Variants in BABAM2 observed in about 807,000 individuals in gnomAD.
BABAM2 encodes the protein BRISC and BRCA1 A complex member 2.
BABAM2 carries 31 observed loss-of-function variants against 54.7 expected under a neutral mutation model. The observed-to-expected ratio is 0.57, with a 90% CI of 0.43 to 0.77. The LOEUF (loss-of-function observed/expected upper bound fraction) is 0.77, where lower values mean the gene tolerates loss of function less well. BABAM2 is among the 30% of genes least tolerant of loss of function. The pLI is 0.00. For synonymous variants in BABAM2, 167 were observed against 162.9 expected (o/e 1.03, Z -0.19); for missense variants, 364 against 455.8 (o/e 0.80, Z 1.83).
chr2:28,130,643 C>T (rs371884927), intron 7 of BABAM2, among the ~76,000 whole-genome samples: 8 of 152,044 alleles, frequency 5.3e-5, no homozygotes, highest in South Asian at 2.1e-4. Context: ...TTGTAGAGAC[C>T]GGGTCTCGCT....
At chr2:27,976,428 A>C (rs947109477) in intron 3 of BABAM2, among the ~76,000 whole-genome samples, 1 of 152,120 alleles carries the variant, frequency 6.6e-6, no homozygotes, top group Non-Finnish European at 1.5e-5. Context: ...CAAATGCCTT[A>C]TGCTAAGTGA....
In BABAM2 at chr2:28,327,307, G is replaced by A. The variant is rs375447508; in HGVS notation, c.1089-11143G>A. On this transcript the variant is annotated intron_variant, in intron 11 of 11. Coordinates refer to ENST00000379624, the MANE Select transcript of BABAM2 (RefSeq NM_199191.3). ...AAGGGAGCAGAGATGCCTGCAGCCC[G>A]TGGGAGCAAGTCCTGGCCTTTGCAG... is the stretch of plus-strand genomic sequence containing the variant. 11 of 1,611,656 alleles carry A rather than the reference G, an allele frequency of 6.8e-6. 1 individual carries two copies. Among genetic ancestry groups the A allele is most frequent in the South Asian group, 1.1e-5 (1 of 90,688 alleles).
chr2:28,277,406 A>G (rs1425873284), intron 10 of BABAM2, among the ~76,000 whole-genome samples: 2 of 152,152 alleles, frequency 1.3e-5, no homozygotes, highest in Non-Finnish European at 2.9e-5. Flanking sequence ...TTCCCGGCCC[A>G]TAATCTGTCC....
At chr2:27,937,527 A>G (rs1048338538) in intron 3 of BABAM2, among the ~76,000 whole-genome samples, 4 of 152,170 alleles carry the variant, frequency 2.6e-5, no homozygotes, top group African/African-American at 9.7e-5. Flanking sequence ...GAGTGAGATG[A>G]TATCTCATTG....
Position 28,338,657 on chromosome 2 carries a change from C to A in BABAM2, c.*144C>A. ...CAGCTTTTGCACGCCCCAGGCAGCC[C>A]CGACTGCTGAAATCCAACTTGAGCT... On this transcript the variant is annotated 3_prime_UTR_variant, in exon 12 of 12. Coordinates refer to ENST00000379624, the MANE Select transcript of BABAM2 (RefSeq NM_199191.3). 1 of 916,320 alleles carries A rather than the reference C, an allele frequency of 1.1e-6. No individual in the cohort carries two copies. The allele number at this position is 916,320 out of a possible 1,614,324, so 56.8% of individuals were successfully genotyped here.
intron 6 of BABAM2, among the ~76,000 whole-genome samples, chr2:28,112,861 C>T (rs952769280): frequency 1.3e-5 from 2 of 152,194 alleles, no homozygotes; most frequent in African/African-American, 4.8e-5. Flanking sequence ...TCCTTGCCAG[C>T]ATCTGTTGTT....
intron 7 of BABAM2, among the ~76,000 whole-genome samples, chr2:28,224,627 C>G (rs941596073): frequency 6.6e-6 from 1 of 152,148 alleles, no homozygotes; most frequent in Non-Finnish European, 1.5e-5. Flanking sequence ...TCTCACAAAA[C>G]TGAACGTTTG....
chr2:27,920,958 G>A (rs1235992359), intron 2 of BABAM2, among the ~76,000 whole-genome samples: 1 of 152,080 alleles, frequency 6.6e-6, no homozygotes, highest in Non-Finnish European at 1.5e-5. Flanking sequence ...ATATAGCTTT[G>A]TTAATCTAGA....
chr2:28,284,551 CA>C (rs145308826), intron 10 of BABAM2, among the ~76,000 whole-genome samples: 3,423 of 152,126 alleles, frequency 0.023, 79 homozygotes, highest in African/African-American at 0.058. Flanking sequence ...CCTCTCTGTT[CA>C]GATCTTTTTC....
At chr2:28,212,604 A>C (rs1264749168) in intron 7 of BABAM2, among the ~76,000 whole-genome samples, 1 of 152,232 alleles carries the variant, frequency 6.6e-6, no homozygotes, top group East Asian at 1.9e-4. Flanking sequence ...CATTAAAAGT[A>C]GTTTTTTAGG....
Position 28,116,933 on chromosome 2 carries a change from T to C in BABAM2, c.571-12338T>C, listed in dbSNP as rs1205104874. Among the ~76,000 whole-genome samples the C allele has an allele frequency of 3.3e-5, 5 of 152,232 alleles. No individual in the cohort carries two copies. In the East Asian group the frequency reaches 7.7e-4, roughly 23 times the overall value. The stretch of plus-strand genomic sequence containing the variant: ...GAAGATCATCATATTCGTGTAGTTG[T>C]TGCATGATAAACTGGCAAAACATTT... On this transcript the variant is annotated intron_variant, in intron 6 of 11. Coordinates refer to ENST00000379624, the MANE Select transcript of BABAM2 (RefSeq NM_199191.3).
At chr2:28,055,961 A>T (rs1678370745) in intron 6 of BABAM2, among the ~76,000 whole-genome samples, 1 of 152,236 alleles carries the variant, frequency 6.6e-6, no homozygotes, top group African/African-American at 2.4e-5. Flanking sequence ...AGCCTGGAGG[A>T]TATGATGCTA....
chr2:28,178,163 G>A (rs999448199), intron 7 of BABAM2, among the ~76,000 whole-genome samples: 4 of 151,870 alleles, frequency 2.6e-5, no homozygotes, highest in Admixed American at 6.6e-5. Context: ...AGACATCTAC[G>A]GTATATTCTA....
chr2:27,952,328 T>C (rs1435193827), intron 3 of BABAM2, among the ~76,000 whole-genome samples: 1 of 152,216 alleles, frequency 6.6e-6, no homozygotes, highest in South Asian at 2.1e-4. Flanking sequence ...TGAGTCTACA[T>C]AGTGTCAAGA....
chr2:28,135,438 T>A (rs1363432627), intron 7 of BABAM2, among the ~76,000 whole-genome samples: 1 of 152,182 alleles, frequency 6.6e-6, no homozygotes, highest in Non-Finnish European at 1.5e-5. Flanking sequence ...CATTAAATTA[T>A]GCTAAATTGT....
At chr2:27,984,782 G>T (rs928019028) in intron 3 of BABAM2, among the ~76,000 whole-genome samples, 4 of 151,708 alleles carry the variant, frequency 2.6e-5, no homozygotes, top group African/African-American at 2.4e-5. Context: ...CTGAGATTTA[G>T]GTGCACCCAT....
chr2:28,066,837 C>A (rs1363867697), intron 6 of BABAM2, among the ~76,000 whole-genome samples: 1 of 152,232 alleles, frequency 6.6e-6, no homozygotes, highest in Non-Finnish European at 1.5e-5. Flanking sequence ...TTACTCACTT[C>A]ATGGAAGTTA....
In BABAM2 at chr2:28,338,602, T is replaced by C; in HGVS notation, c.*89T>C. 6.8e-7 allele frequency: 1 copy of C among 1,475,230 alleles called. No homozygotes were observed. Among genetic ancestry groups the C allele is most frequent in the East Asian group, 2.3e-5 (1 of 43,806 alleles). The allele number at this position is 1,475,230 out of a possible 1,614,324, so 91.4% of individuals were successfully genotyped here. On this transcript the variant is annotated 3_prime_UTR_variant, in exon 12 of 12. Transcript: ENST00000379624. ...GCCGCTTCCTGGAAGCCGCCTGGAA[T>C]GTCTTCACGGCAGCGTTTTGCTCAC...
At chr2:28,080,427 C>G (rs1364081558) in intron 6 of BABAM2, among the ~76,000 whole-genome samples, 1 of 151,992 alleles carries the variant, frequency 6.6e-6, no homozygotes, top group African/African-American at 2.4e-5. Flanking sequence ...ATTTCAGTAC[C>G]AAAATTTGTC....
Sources: gnomAD v4.1 joint callset for allele counts (sites outside exome capture counted in the v4.1 genomes callset) on GRCh38, gnomAD v4.1.1 for gene constraint, MANE v1.5 for transcripts, NCBI Gene and HGNC (gene_info 2026-07-23, HGNC 2026-07-21) for gene names.